RBFOX1: variants seen among roughly 807,000 people sequenced by gnomAD.
The protein encoded by RBFOX1 is RNA binding fox-1 homolog 1.
Under a neutral mutation model 57.7 loss-of-function variants are expected in RBFOX1, and 8 were observed. That is an observed-to-expected ratio of 0.14 (90% CI 0.08 to 0.25). The LOEUF is 0.25. RBFOX1 is among the 10% of genes least tolerant of loss of function. The probability of loss-of-function intolerance (pLI) is 1.00; values close to 1 mark genes in which losing one functional copy is unlikely to be tolerated. For missense variants in RBFOX1, 611 were observed against 548.5 expected, an observed-to-expected ratio of 1.11 and a Z score of -1.14; for synonymous variants, 326 against 222.4, an observed-to-expected ratio of 1.47 and a Z score of -4.15.
At chr16:7,016,735 G>T (rs1045101629) in intron 3 of RBFOX1, among the ~76,000 whole-genome samples, 5 of 152,184 alleles carry the variant, frequency 3.3e-5, no homozygotes, top group Non-Finnish European at 7.3e-5. Flanking sequence ...AAGTGGAGTT[G>T]ATTAAACTGT....
intron 3 of RBFOX1, among the ~76,000 whole-genome samples, chr16:6,981,177 T>C (rs1351024003): frequency 6.6e-6 from 1 of 152,044 alleles, no homozygotes; most frequent in Non-Finnish European, 1.5e-5. Flanking sequence ...CAGATAAGCT[T>C]GTGTGATGGG....
At chr16:6,376,294 T>TGTTG (rs1164336954) in intron 2 of RBFOX1, among the ~76,000 whole-genome samples, 5 of 106,826 alleles carry the variant, frequency 4.7e-5, no homozygotes, top group African/African-American at 1.7e-4. Context: ...TTTGTTTGTT[T>TGTTG]GTTGGTTGGT....
chr16:6,912,739 T>C (rs2072001630), intron 3 of RBFOX1, among the ~76,000 whole-genome samples: 1 of 151,942 alleles, frequency 6.6e-6, no homozygotes, highest in Non-Finnish European at 1.5e-5. Context: ...TACCTCAGCC[T>C]ACTGAGTAGC....
intron 12 of RBFOX1, among the ~76,000 whole-genome samples, chr16:7,659,808 A>T (rs567386775): frequency 6.6e-6 from 1 of 152,176 alleles, no homozygotes; most frequent in Non-Finnish European, 1.5e-5. Context: ...ATAGACAAAC[A>T]TGATGAATAA....
chr16:6,379,710 C>T (rs933797830), intron 2 of RBFOX1, among the ~76,000 whole-genome samples: 3 of 151,594 alleles, frequency 2.0e-5, no homozygotes, highest in Admixed American at 6.6e-5. Flanking sequence ...TCTTGATGAC[C>T]CTGTAATCAT....
intron 3 of RBFOX1, among the ~76,000 whole-genome samples, chr16:6,924,108 G>A (rs1420219464): frequency 6.6e-6 from 1 of 151,974 alleles, no homozygotes; most frequent in Non-Finnish European, 1.5e-5. Flanking sequence ...GGTGGAGGTT[G>A]CAGTGAGCTG....
chr16:5,824,305 C>T (rs2151811590), intron 3 of RBFOX1, among the ~76,000 whole-genome samples: 1 of 152,350 alleles, frequency 6.6e-6, no homozygotes, highest in East Asian at 1.9e-4. Context: ...TAGAAGGGGG[C>T]TGCCTCCCTC....
chr16:5,590,058 C>CAG (rs2151180019), intron 2 of RBFOX1, among the ~76,000 whole-genome samples: 1 of 143,428 alleles, frequency 7.0e-6, no homozygotes, highest in East Asian at 2.2e-4. Flanking sequence ...CACACACACA[C>CAG]ACACACACAC....
chr16:5,817,522 G>C (rs1010145970), intron 3 of RBFOX1, among the ~76,000 whole-genome samples: 1 of 152,148 alleles, frequency 6.6e-6, no homozygotes, highest in African/African-American at 2.4e-5. Context: ...TCATAGCTCA[G>C]GGAACAGGAG....
intron 2 of RBFOX1, among the ~76,000 whole-genome samples, chr16:6,352,794 C>G (rs762336165): frequency 5.3e-5 from 8 of 152,298 alleles, no homozygotes; most frequent in Non-Finnish European, 1.0e-4. Context: ...CCTTGCCCAT[C>G]TATTTAGTAT....
At chr16:7,699,244 G>A (rs905315887) in intron 14 of RBFOX1, among the ~76,000 whole-genome samples, 1 of 148,894 alleles carries the variant, frequency 6.7e-6, no homozygotes, top group African/African-American at 2.5e-5. Flanking sequence ...AGAGTTCAGT[G>A]CAATAGCCTG....
intron 1 of RBFOX1, among the ~76,000 whole-genome samples, chr16:6,204,419 A>G (rs1434838466): frequency 1.3e-5 from 2 of 152,128 alleles, no homozygotes; most frequent in African/African-American, 4.8e-5. Context: ...TTTTTTCTAG[A>G]AGGGCCTAGA....
intron 4 of RBFOX1, among the ~76,000 whole-genome samples, chr16:7,173,552 G>A (rs1038077773): frequency 6.6e-6 from 1 of 151,830 alleles, no homozygotes; most frequent in Admixed American, 6.6e-5. Flanking sequence ...TTGTATTTCA[G>A]CATTTGTCAT....
At chr16:6,847,977 C>T (rs765481413) in intron 3 of RBFOX1, among the ~76,000 whole-genome samples, 5 of 152,054 alleles carry the variant, frequency 3.3e-5, no homozygotes, top group Non-Finnish European at 4.4e-5. Flanking sequence ...CTATAGGCAC[C>T]TGCCACCATG....
chr16:7,254,135 C>A (rs1016864005), intron 4 of RBFOX1, among the ~76,000 whole-genome samples: 1 of 152,096 alleles, frequency 6.6e-6, no homozygotes, highest in Non-Finnish European at 1.5e-5. Flanking sequence ...AACCCTGTGA[C>A]CCCCTTGTTT....
intron 3 of RBFOX1, among the ~76,000 whole-genome samples, chr16:6,702,611 C>T (rs887150265): frequency 6.6e-6 from 1 of 152,054 alleles, no homozygotes; most frequent in Non-Finnish European, 1.5e-5. Flanking sequence ...CCAAAAAGTT[C>T]TGCTGAAGAC....
chr16:6,592,495 A>G (rs2097725278), intron 2 of RBFOX1, among the ~76,000 whole-genome samples: 1 of 152,222 alleles, frequency 6.6e-6, no homozygotes, highest in Non-Finnish European at 1.5e-5. Flanking sequence ...GGTAAAATGG[A>G]GCGTGCATTT....
At chr16:5,497,736 A>G (rs1484669280) in intron 2 of RBFOX1, among the ~76,000 whole-genome samples, 1 of 152,094 alleles carries the variant, frequency 6.6e-6, no homozygotes, top group African/African-American at 2.4e-5. Flanking sequence ...CTGAGCTGAG[A>G]TTGCTCCACA....
At chr16:6,588,700 T>A (rs1224149038) in intron 2 of RBFOX1, among the ~76,000 whole-genome samples, 1 of 152,164 alleles carries the variant, frequency 6.6e-6, no homozygotes, top group Non-Finnish European at 1.5e-5. Context: ...TTTTTGGTCT[T>A]CTATGATGTT....
Sources: gnomAD v4.1 joint callset for allele counts (sites outside exome capture counted in the v4.1 genomes callset) on GRCh38, gnomAD v4.1.1 for gene constraint, MANE v1.5 for transcripts, NCBI Gene and HGNC (gene_info 2026-07-23, HGNC 2026-07-21) for gene names.